PDZRN3: variants seen among roughly 807,000 people sequenced by gnomAD.
PDZRN3 encodes E3 ubiquitin-protein ligase PDZRN3.
A neutral mutation model predicts 85.7 loss-of-function variants in PDZRN3; 38 were observed. That is an observed-to-expected ratio of 0.44 (90% CI 0.34 to 0.58). The LOEUF (loss-of-function observed/expected upper bound fraction) is 0.58. Among genes scored for constraint, PDZRN3 ranks in the 20% least tolerant of loss-of-function variants. The pLI is 0.01. For synonymous variants in PDZRN3, 759 were observed against 638.0 expected, an observed-to-expected ratio of 1.19 and a Z score of -2.86; for missense variants, 1,629 against 1,506.4, an observed-to-expected ratio of 1.08 and a Z score of -1.35.
intron 3 of PDZRN3, among the ~76,000 whole-genome samples, chr3:73,599,177 C>T (rs1702474369): frequency 6.6e-6 from 1 of 152,160 alleles, no homozygotes; most frequent in Non-Finnish European, 1.5e-5. Flanking sequence ...TTCAAGACAA[C>T]CAAAAGGTTA....
intron 3 of PDZRN3, among the ~76,000 whole-genome samples, chr3:73,421,821 G>A (rs1304315145): frequency 6.6e-6 from 1 of 151,924 alleles, no homozygotes; most frequent in African/African-American, 2.4e-5. Context: ...CTCTTTTTTT[G>A]TATTTTTAAT....
intron 3 of PDZRN3, among the ~76,000 whole-genome samples, chr3:73,429,196 G>A (rs972616057): frequency 6.6e-6 from 1 of 152,140 alleles, no homozygotes; most frequent in South Asian, 2.1e-4. Flanking sequence ...TAGGGCATGA[G>A]CTTCCATGCC....
chr3:73,388,938 A>ATC (rs1701459282), intron 7 of PDZRN3, among the ~76,000 whole-genome samples: 1 of 139,090 alleles, frequency 7.2e-6, no homozygotes, highest in African/African-American at 3.2e-5. Flanking sequence ...ATCAAAAAAA[A>ATC]AAAAAAAAAA....
intron 3 of PDZRN3, among the ~76,000 whole-genome samples, chr3:73,422,792 G>T (rs1342480293): frequency 6.6e-6 from 1 of 152,150 alleles, no homozygotes; most frequent in Non-Finnish European, 1.5e-5. Flanking sequence ...AATTTAACTG[G>T]GGAGGGAGAG....
chr3:73,535,069 G>C (rs971120734), intron 3 of PDZRN3, among the ~76,000 whole-genome samples: 1 of 151,908 alleles, frequency 6.6e-6, no homozygotes, highest in African/African-American at 2.4e-5. Flanking sequence ...TAAGGCTAAG[G>C]ACCATCACCT....
At chr3:73,458,970 CA>C (rs1703044939) in intron 3 of PDZRN3, among the ~76,000 whole-genome samples, 1 of 129,364 alleles carries the variant, frequency 7.7e-6, no homozygotes, top group Non-Finnish European at 1.6e-5. Context: ...CCAGCCCGGG[CA>C]ACAGAGCAAA....
rs778636963 is a variant in PDZRN3 at position 73,384,196 on chromosome 3, G to A, written c.2370C>T (p.Ser790=). The change falls in exon 10 of 10, where the codon AGC becomes AGT. Residue 790 remains serine (S), a synonymous_variant. Transcript: ENST00000263666. ...RRAAEGISCP[S]SEGAVGTTEA... is the part of the protein sequence containing the mutation. Reference sequence around the variant, plus strand: ...CCGTGGTCCCCACAGCCCCTTCGCTGCTCGGGCAGCTGATGCCCTCCGCCG... The same window carrying A: ...CCGTGGTCCCCACAGCCCCTTCGCTACTCGGGCAGCTGATGCCCTCCGCCG... 4 of 1,613,770 alleles carry A rather than the reference G, an allele frequency of 2.5e-6. No individual in the cohort carries two copies. In the East Asian group the frequency reaches 8.9e-5, roughly 36 times the overall value.
At chr3:73,457,150 G>A (rs938482671) in intron 3 of PDZRN3, among the ~76,000 whole-genome samples, 3 of 151,970 alleles carry the variant, frequency 2.0e-5, no homozygotes, top group Non-Finnish European at 2.9e-5. Context: ...TCGGCTCACC[G>A]CAACCTCCGC....
At chr3:73,397,912 T>C (rs899448430) in intron 5 of PDZRN3, among the ~76,000 whole-genome samples, 1 of 152,172 alleles carries the variant, frequency 6.6e-6, no homozygotes, top group Non-Finnish European at 1.5e-5. Flanking sequence ...CTTATTCTGG[T>C]TGTTTAAGAA....
chr3:73,477,460 C>T lies in PDZRN3; in HGVS notation c.919-73065G>A, dbSNP rs151282204. On this transcript the variant is annotated intron_variant, in intron 3 of 9. Transcript: ENST00000263666. ...AGACAGATAATTCCTGGATTGTCCA[C>T]AGTCTTGGATTAACCATAGTCTTGG... Among the ~76,000 whole-genome samples the T allele has an allele frequency of 9.8e-4, 149 of 152,274 alleles. 1 individual carries two copies. The highest frequency in any genetic ancestry group is 3.3e-3 in the African/African-American group (137 of 41,546).
intron 3 of PDZRN3, among the ~76,000 whole-genome samples, chr3:73,482,509 T>C: frequency 6.6e-6 from 1 of 152,230 alleles, no homozygotes; most frequent in South Asian, 2.1e-4. Context: ...ACACATTTAC[T>C]ACCTGGCTCA....
At chr3:73,424,517 G>A (rs1433538426) in intron 3 of PDZRN3, among the ~76,000 whole-genome samples, 1 of 138,112 alleles carries the variant, frequency 7.2e-6, no homozygotes, top group Admixed American at 7.7e-5. Context: ...ACTCCAGCCT[G>A]GGAGACAGAG....
At chr3:73,574,266 T>C (rs1201038592) in intron 3 of PDZRN3, among the ~76,000 whole-genome samples, 1 of 152,154 alleles carries the variant, frequency 6.6e-6, no homozygotes, top group Admixed American at 6.6e-5. Context: ...GCCTCTTGAC[T>C]GCTAATCTTC....
intron 3 of PDZRN3, among the ~76,000 whole-genome samples, chr3:73,505,280 G>C (rs1255766246): frequency 6.6e-6 from 1 of 152,150 alleles, no homozygotes; most frequent in East Asian, 1.9e-4. Flanking sequence ...AGCCCTTTGA[G>C]AAAACCCCAG....
At chr3:73,594,115 A>T (rs902642792) in intron 3 of PDZRN3, 1 of 152,198 alleles carries the variant, frequency 6.6e-6, no homozygotes, top group East Asian at 1.9e-4. Flanking sequence ...AAGGAAAATA[A>T]TGACAGTAAT....
chr3:73,494,970 T>C (rs1026542953), intron 3 of PDZRN3, among the ~76,000 whole-genome samples: 5 of 152,084 alleles, frequency 3.3e-5, no homozygotes, highest in Admixed American at 2.0e-4. Flanking sequence ...GAGCTAAACA[T>C]TGGGTACTCG....
intron 5 of PDZRN3, among the ~76,000 whole-genome samples, chr3:73,393,120 T>C (rs1576028454): frequency 6.6e-6 from 1 of 152,102 alleles, no homozygotes; most frequent in Admixed American, 6.6e-5. Flanking sequence ...ACTGCACAGA[T>C]GTAGCTCGCC....
intron 3 of PDZRN3, among the ~76,000 whole-genome samples, chr3:73,535,641 T>C (rs894310180): frequency 6.6e-6 from 1 of 152,242 alleles, no homozygotes; most frequent in Admixed American, 6.5e-5. Flanking sequence ...ACAGTTCACA[T>C]GGACTGACTA....
chr3:73,495,486 CT>C (rs1380093887), intron 3 of PDZRN3, among the ~76,000 whole-genome samples: 2 of 152,180 alleles, frequency 1.3e-5, no homozygotes, highest in African/African-American at 4.8e-5. Context: ...TATTTTGTAA[CT>C]TTTTTTCCTC....
Sources: gnomAD v4.1 joint callset for allele counts (sites outside exome capture counted in the v4.1 genomes callset) on GRCh38, gnomAD v4.1.1 for gene constraint, MANE v1.5 for transcripts, NCBI Gene and HGNC (gene_info 2026-07-23, HGNC 2026-07-21) for gene names.